The following PTCHD4 variants were observed in gnomAD, a reference collection of about 807,000 sequenced individuals.
PTCHD4 encodes the protein patched domain containing 4.
In PTCHD4, 33 loss-of-function variants were observed where a neutral mutation model predicts 58.1. The observed-to-expected ratio is 0.57, with a 90% CI of 0.43 to 0.76. The LOEUF is 0.76. Ranked by LOEUF, PTCHD4 falls within the 30% of genes least tolerant of loss-of-function variation. The pLI is 0.00. For synonymous variants in PTCHD4, 478 were observed against 409.6 expected (o/e 1.17, Z -2.02); for missense variants, 1,058 against 1,027.1 (o/e 1.03, Z -0.41).
intron 1 of PTCHD4, among the ~76,000 whole-genome samples, chr6:48,091,191 AT>A (rs1765359855): frequency 6.6e-6 from 1 of 152,108 alleles, no homozygotes; most frequent in Non-Finnish European, 1.5e-5. Flanking sequence ...AACCTTTTAA[AT>A]TTTTTATGGC....
At chr6:47,944,520 T>C (rs953913525) in intron 4 of PTCHD4, among the ~76,000 whole-genome samples, 5 of 152,056 alleles carry the variant, frequency 3.3e-5, no homozygotes, top group Admixed American at 2.0e-4. Context: ...TTAAGACATA[T>C]AGTTAAAGCT....
intron 3 of PTCHD4, among the ~76,000 whole-genome samples, chr6:48,059,905 C>T (rs1764557579): frequency 6.6e-6 from 1 of 152,170 alleles, no homozygotes; most frequent in African/African-American, 2.4e-5. Flanking sequence ...TCCCTCTCAC[C>T]CGTCAGATCT....
chr6:47,924,364 A>G (rs1328953149), intron 4 of PTCHD4, among the ~76,000 whole-genome samples: 2 of 152,294 alleles, frequency 1.3e-5, no homozygotes, highest in East Asian at 3.9e-4. Context: ...GGTTATTATC[A>G]AAGTGAAGAT....
intron 4 of PTCHD4, among the ~76,000 whole-genome samples, chr6:47,996,700 A>C (rs1768500950): frequency 6.6e-6 from 1 of 152,116 alleles, no homozygotes; most frequent in African/African-American, 2.4e-5. Flanking sequence ...CCATATTCAT[A>C]AAAAAATGGC....
chr6:47,918,440 C>T (rs1254406331), intron 4 of PTCHD4, among the ~76,000 whole-genome samples: 3 of 152,162 alleles, frequency 2.0e-5, no homozygotes, highest in South Asian at 2.1e-4. Flanking sequence ...ACCAGGACAA[C>T]AAAGTACCAA....
intron 1 of PTCHD4, among the ~76,000 whole-genome samples, chr6:48,103,689 T>A (rs538854183): frequency 1.4e-5 from 2 of 147,736 alleles, no homozygotes; most frequent in African/African-American, 2.5e-5. Flanking sequence ...GGCAAAGAAG[T>A]TAAAAACTTT....
intron 4 of PTCHD4, among the ~76,000 whole-genome samples, chr6:47,966,128 G>A (rs1028557520): frequency 6.6e-6 from 1 of 152,098 alleles, no homozygotes; most frequent in Admixed American, 6.5e-5. Context: ...GAAATGTTTG[G>A]CTCTGTTTAC....
At position 48,095,556 on chromosome 6, in the gene PTCHD4, G is replaced by A. The variant is rs572019861; in HGVS notation, c.-970+15493C>T. 2.8e-4 allele frequency among the ~76,000 whole-genome samples: 42 copies of A among 152,034 alleles called. 1 individual carries two copies. The highest frequency in any genetic ancestry group is 8.9e-4 in the African/African-American group (37 of 41,470). On this transcript the variant is annotated intron_variant, in intron 1 of 4. Coordinates refer to ENST00000339488, the MANE Select transcript of PTCHD4 (RefSeq NM_001384253.1). ...AAAAATTAACCGGGTGTGGCGTGGC[G>A]GGGGGTGACTGTAGTCCCAGTTATT...
chr6:48,059,240 T>G (rs1234644202), intron 3 of PTCHD4, among the ~76,000 whole-genome samples: 1 of 152,178 alleles, frequency 6.6e-6, no homozygotes, highest in Non-Finnish European at 1.5e-5. Flanking sequence ...AACAAGATTC[T>G]TAGATGATTA....
intron 3 of PTCHD4, among the ~76,000 whole-genome samples, chr6:48,042,464 A>G (rs558702611): frequency 6.6e-6 from 1 of 152,096 alleles, no homozygotes; most frequent in South Asian, 2.1e-4. Context: ...GGGCACCTCC[A>G]TGCAAAATGC....
At chr6:48,002,644 G>A (rs1354908679) in intron 4 of PTCHD4, among the ~76,000 whole-genome samples, 1 of 151,920 alleles carries the variant, frequency 6.6e-6, no homozygotes, top group Non-Finnish European at 1.5e-5. Context: ...AGCATTAGGA[G>A]ATATACCTAA....
At chr6:47,960,962 T>A (rs868612499) in intron 4 of PTCHD4, among the ~76,000 whole-genome samples, 2,334 of 119,848 alleles carry the variant, frequency 0.019, 47 homozygotes, top group African/African-American at 0.057. Context: ...CTTTTTTTTT[T>A]AAAAAAAAAA....
intron 4 of PTCHD4, among the ~76,000 whole-genome samples, chr6:47,997,733 A>G (rs1768555192): frequency 6.6e-6 from 1 of 152,202 alleles, no homozygotes. Context: ...AACAACTATG[A>G]TACACAAACA....
chr6:48,072,131 T>C (rs1412530338), intron 1 of PTCHD4, among the ~76,000 whole-genome samples: 2 of 152,176 alleles, frequency 1.3e-5, no homozygotes, highest in Admixed American at 1.3e-4. Flanking sequence ...GAAGTCACTA[T>C]GTGCAGCTTA....
chr6:48,001,738 CAA>C (rs1768729730), intron 4 of PTCHD4, among the ~76,000 whole-genome samples: 1 of 152,164 alleles, frequency 6.6e-6, no homozygotes, highest in Non-Finnish European at 1.5e-5. Context: ...GCAATGGCAA[CAA>C]AAGCCAAAAT....
intron 4 of PTCHD4, among the ~76,000 whole-genome samples, chr6:47,989,307 C>A (rs1202171130): frequency 2.0e-5 from 3 of 152,116 alleles, no homozygotes; most frequent in African/African-American, 7.2e-5. Context: ...AGTTTGCAGC[C>A]TGACAATGGG....
chr6:47,954,183 C>T (rs113019461), intron 4 of PTCHD4, among the ~76,000 whole-genome samples: 146 of 152,142 alleles, frequency 9.6e-4, no homozygotes, highest in African/African-American at 3.3e-3. Flanking sequence ...ATACTGAAAC[C>T]CCATCTCTAC....
chr6:48,054,699 T>C (rs1764347874), intron 3 of PTCHD4, among the ~76,000 whole-genome samples: 1 of 152,132 alleles, frequency 6.6e-6, no homozygotes, highest in Non-Finnish European at 1.5e-5. Context: ...ATTATAAATA[T>C]GCTTATGATA....
chr6:47,880,411 T>C (rs892196005), intron 4 of PTCHD4, among the ~76,000 whole-genome samples: 1 of 152,168 alleles, frequency 6.6e-6, no homozygotes, highest in African/African-American at 2.4e-5. Flanking sequence ...TATAAAAGTA[T>C]GTTAAACACT....
Sources: allele counts gnomAD v4.1 joint callset (sites outside exome capture counted in the v4.1 genomes callset), GRCh38; gene constraint gnomAD v4.1.1; transcripts MANE v1.5; gene names NCBI Gene and HGNC (gene_info 2026-07-23, HGNC 2026-07-21).